The following ACYP2 variants were observed in gnomAD, a reference collection of about 807,000 sequenced individuals.
The protein encoded by ACYP2 is acylphosphatase 2.
ACYP2 carries 12 observed loss-of-function variants against 11.2 expected under a neutral mutation model. The ratio of observed to expected loss-of-function variants is 1.08; its 90% confidence interval spans 0.69 to 1.74. The LOEUF (loss-of-function observed/expected upper bound fraction) is 1.74, where lower values mean the gene tolerates loss of function less well. Among genes scored for constraint, ACYP2 ranks in the 40% most tolerant of loss-of-function variants. The pLI is 0.00. For synonymous variants in ACYP2, 43 were observed against 32.2 expected (o/e 1.33, Z -1.13); for missense variants, 134 against 101.9 (o/e 1.31, Z -1.35).
intron 6 of ACYP2, among the ~76,000 whole-genome samples, chr2:54,278,333 G>A (rs968295600): frequency 6.6e-6 from 1 of 152,178 alleles, no homozygotes; most frequent in African/African-American, 2.4e-5. Flanking sequence ...AGGTTTTTTA[G>A]TGAGACTTAC....
At chr2:54,146,045 C>A (rs1681865776) in intron 6 of ACYP2, among the ~76,000 whole-genome samples, 1 of 152,202 alleles carries the variant, frequency 6.6e-6, no homozygotes, top group African/African-American at 2.4e-5. Flanking sequence ...CTATAAGCTT[C>A]CGAAGGAAAG....
intron 6 of ACYP2, among the ~76,000 whole-genome samples, chr2:54,214,525 A>G (rs924565336): frequency 3.3e-5 from 5 of 152,030 alleles, no homozygotes; most frequent in African/African-American, 1.2e-4. Context: ...GTTATTGTCA[A>G]CTTTGTCAAA....
intron 6 of ACYP2, among the ~76,000 whole-genome samples, chr2:54,231,742 G>A (rs1481970218): frequency 3.9e-5 from 6 of 152,148 alleles, no homozygotes; most frequent in South Asian, 2.1e-4. Flanking sequence ...TCAAGAGAGC[G>A]ACATAATTCT....
rs377001012 is a variant in ACYP2 at position 54,054,739 on chromosome 2, T to C, written c.156-2500T>C. Among the ~76,000 whole-genome samples the C allele has an allele frequency of 2.9e-4, 44 of 152,344 alleles. 2 individuals carry two copies. The highest frequency in any genetic ancestry group is 9.4e-4 in the African/African-American group (39 of 41,576). ...ACCAAGGTGAGATGATTGCCCACAA[T>C]CATATATCTAAAGAAGGAACATATA... On this transcript the variant is annotated intron_variant, in intron 3 of 6. Coordinates refer to ENST00000607452, the MANE Select transcript of ACYP2 (RefSeq NM_001320586.2).
intron 6 of ACYP2, among the ~76,000 whole-genome samples, chr2:54,212,109 G>C (rs990155033): frequency 1.3e-5 from 2 of 152,160 alleles, no homozygotes; most frequent in African/African-American, 4.8e-5. Context: ...GCGTGGCAGT[G>C]TTAGTTTTTT....
intron 2 of ACYP2, among the ~76,000 whole-genome samples, chr2:53,988,692 C>G (rs2104516181): frequency 6.6e-6 from 1 of 152,052 alleles, no homozygotes; most frequent in African/African-American, 2.4e-5. Flanking sequence ...TCCCATGGTG[C>G]TGGGATTACA....
chr2:54,176,282 G>T lies in ACYP2; in HGVS notation c.404+37534G>T, dbSNP rs561880214. ...TCGGTTATGCCCTTAAAGGGAAAGG[G>T]TGTGCCCTCCACTATTTTCTTTCCC... On this transcript the variant is annotated intron_variant, in intron 6 of 6. Transcript: ENST00000607452. Among the ~76,000 whole-genome samples, 24 of 152,294 alleles carry T rather than the reference G, an allele frequency of 1.6e-4. No homozygotes were observed. In the South Asian group the frequency reaches 5.0e-3, roughly 32 times the overall value.
chr2:54,039,822 T>TGTGTGTGA (rs1675128478), intron 2 of ACYP2, among the ~76,000 whole-genome samples: 2 of 86,260 alleles, frequency 2.3e-5, no homozygotes, highest in Non-Finnish European at 4.6e-5. Flanking sequence ...TTTTCTTTTG[T>TGTGTGTGA]GTGTGTGTGT....
chr2:54,008,861 A>T (rs939121218), intron 2 of ACYP2, among the ~76,000 whole-genome samples: 3 of 152,052 alleles, frequency 2.0e-5, no homozygotes, highest in African/African-American at 7.2e-5. Flanking sequence ...TCAAAAAAAT[A>T]TTTCAGGCAG....
At chr2:54,221,749 T>A (rs1685810641) in intron 6 of ACYP2, among the ~76,000 whole-genome samples, 1 of 152,086 alleles carries the variant, frequency 6.6e-6, no homozygotes, top group African/African-American at 2.4e-5. Context: ...CTCAAACTCC[T>A]GACCTCAGGT....
At chr2:54,211,026 C>T (rs1050889636) in intron 6 of ACYP2, among the ~76,000 whole-genome samples, 4 of 152,164 alleles carry the variant, frequency 2.6e-5, no homozygotes, top group Non-Finnish European at 5.9e-5. Context: ...TTCCTTCTGG[C>T]CGTACAGATT....
intron 6 of ACYP2, among the ~76,000 whole-genome samples, chr2:54,299,376 G>A (rs922319832): frequency 5.9e-5 from 9 of 151,716 alleles, no homozygotes; most frequent in Admixed American, 6.6e-5. Flanking sequence ...GGCAGATCAC[G>A]AGGTCAGGAG....
chr2:54,054,344 T>C (rs1676012254), intron 3 of ACYP2, among the ~76,000 whole-genome samples: 1 of 152,248 alleles, frequency 6.6e-6, no homozygotes, highest in Non-Finnish European at 1.5e-5. Context: ...AAAAAGGTTC[T>C]TCTTTTGCTT....
intron 6 of ACYP2, among the ~76,000 whole-genome samples, chr2:54,139,836 A>G (rs1681503682): frequency 6.6e-6 from 1 of 152,230 alleles, no homozygotes; most frequent in Admixed American, 6.5e-5. Context: ...CTGACAAGGA[A>G]TACTTTCTAC....
At chr2:54,127,502 T>C (rs1456672739) in intron 4 of ACYP2, among the ~76,000 whole-genome samples, 1 of 151,998 alleles carries the variant, frequency 6.6e-6, no homozygotes, top group Non-Finnish European at 1.5e-5. Context: ...GAGGCCAAAG[T>C]GGGTGGATCA....
intron 6 of ACYP2, chr2:54,255,826 C>T (rs1687487644): frequency 6.2e-7 from 1 of 1,613,968 alleles, no homozygotes; most frequent in Non-Finnish European, 8.5e-7. Flanking sequence ...TTTGAGGCTG[C>T]CGTCAGTTGT....
At chr2:54,226,705 G>A (rs1686025846) in intron 6 of ACYP2, among the ~76,000 whole-genome samples, 3 of 152,166 alleles carry the variant, frequency 2.0e-5, no homozygotes. Flanking sequence ...CTTGTCCCAG[G>A]TTTAGATTTG....
At chr2:54,013,559 C>T (rs1484625922) in intron 2 of ACYP2, among the ~76,000 whole-genome samples, 4 of 151,886 alleles carry the variant, frequency 2.6e-5, no homozygotes, top group Non-Finnish European at 5.9e-5. Flanking sequence ...CTCGTCCTTC[C>T]AAAGTGCTGG....
At chr2:54,246,459 G>A (rs1686954992) in intron 6 of ACYP2, among the ~76,000 whole-genome samples, 1 of 152,036 alleles carries the variant, frequency 6.6e-6, no homozygotes, top group South Asian at 2.1e-4. Context: ...CATTTCTAAA[G>A]CTTTTTCTTA....
Sources: gnomAD v4.1 joint callset for allele counts (sites outside exome capture counted in the v4.1 genomes callset) on GRCh38, gnomAD v4.1.1 for gene constraint, MANE v1.5 for transcripts, NCBI Gene and HGNC (gene_info 2026-07-23, HGNC 2026-07-21) for gene names.